ASTN2: variants seen among roughly 807,000 people sequenced by gnomAD.
The protein encoded by ASTN2 is astrotactin 2.
Under a neutral mutation model 139.8 loss-of-function variants are expected in ASTN2, and 54 were observed. That is an observed-to-expected ratio of 0.39 (90% CI 0.31 to 0.48). The LOEUF is 0.48. ASTN2 is among the 20% of genes least tolerant of loss of function. ASTN2 has a pLI of 0.95. For synonymous variants in ASTN2, 756 were observed against 719.5 expected, an observed-to-expected ratio of 1.05 and a Z score of -0.81; for missense variants, 1,565 against 1,725.1, an observed-to-expected ratio of 0.91 and a Z score of 1.64.
intron 13 of ASTN2, among the ~76,000 whole-genome samples, chr9:116,772,776 C>A (rs1829987350): frequency 6.6e-6 from 1 of 152,184 alleles, no homozygotes; most frequent in Non-Finnish European, 1.5e-5. Context: ...GGCCAGCAGT[C>A]TCATCTTGGC....
chr9:116,885,834 G>A (rs1289416600), intron 10 of ASTN2, among the ~76,000 whole-genome samples: 1 of 152,070 alleles, frequency 6.6e-6, no homozygotes, highest in East Asian at 1.9e-4. Context: ...CAATAAGGCT[G>A]TTTGCTCATT....
intron 10 of ASTN2, among the ~76,000 whole-genome samples, chr9:116,877,122 C>G (rs904450536): frequency 1.3e-5 from 2 of 152,180 alleles, no homozygotes; most frequent in Non-Finnish European, 2.9e-5. Flanking sequence ...AAGTCTTAGC[C>G]AACGGGATCT....
In ASTN2 at chr9:116,441,007, T is replaced by C. The variant is rs34976241; in HGVS notation, c.3599-215A>G. ...TAATGATGTCTATTCTGGAGGTGCA[T>C]TGGGAGAGCTAAATTAAAGAGTGGA... On this transcript the variant is annotated intron_variant, in intron 21 of 22. Coordinates refer to ENST00000313400, the MANE Select transcript of ASTN2 (RefSeq NM_001365068.1). Among the ~76,000 whole-genome samples, 24,638 of 152,084 alleles carry C rather than the reference T, an allele frequency of 0.16. 2,341 individuals are homozygous for C. The highest frequency in any genetic ancestry group is 0.24 in the Middle Eastern group (70 of 292).
chr9:116,679,018 G>A (rs1859674497), intron 16 of ASTN2, among the ~76,000 whole-genome samples: 1 of 152,098 alleles, frequency 6.6e-6, no homozygotes, highest in Non-Finnish European at 1.5e-5. Flanking sequence ...TGGGTAAATG[G>A]CAGGCAAGAC....
intron 19 of ASTN2, among the ~76,000 whole-genome samples, chr9:116,559,699 T>C (rs1263524326): frequency 2.6e-5 from 4 of 152,294 alleles, no homozygotes; most frequent in Admixed American, 2.6e-4. Context: ...TAGTACTAAT[T>C]TCCTTATTTT....
rs528286469 is a variant in ASTN2, at chr9:117,399,202, C to T, written c.442+15295G>A. 2.6e-3 allele frequency among the ~76,000 whole-genome samples: 397 copies of T among 152,118 alleles called. 2 individuals are homozygous for T. The highest frequency in any genetic ancestry group is 0.02 in the Middle Eastern group (6 of 294). ...AAGCTTACATACTAACAAGAAAGGC[C>T]GACATGCAATCAACAATATTTCTAT... On this transcript the variant is annotated intron_variant, in intron 1 of 22. Transcript: ENST00000313400.
intron 4 of ASTN2, among the ~76,000 whole-genome samples, chr9:117,097,066 A>G (rs141208446): frequency 4.8e-4 from 73 of 152,344 alleles, no homozygotes; most frequent in African/African-American, 1.7e-3. Flanking sequence ...AGAACACTCC[A>G]GTGGTACCTA....
At chr9:116,442,592 T>A (rs1484014847) in intron 20 of ASTN2, 39 bp from the exon 21 acceptor site, 5 of 1,549,792 alleles carry the variant, frequency 3.2e-6, no homozygotes, top group East Asian at 2.2e-5. Flanking sequence ...AGGCTGTGAC[T>A]TCACAGAAGG....
At chr9:116,524,326 T>C (rs545772838) in intron 19 of ASTN2, among the ~76,000 whole-genome samples, 1 of 152,216 alleles carries the variant, frequency 6.6e-6, no homozygotes, top group Non-Finnish European at 1.5e-5. Context: ...AAGGCAAGTA[T>C]ACTGCTGAAA....
chr9:117,283,212 T>C (rs1037763096), intron 2 of ASTN2, among the ~76,000 whole-genome samples: 1 of 152,124 alleles, frequency 6.6e-6, no homozygotes. Flanking sequence ...TCTCTAAATG[T>C]TGTGAAAAAT....
At chr9:116,708,742 C>T (rs925450500) in intron 16 of ASTN2, among the ~76,000 whole-genome samples, 1 of 152,176 alleles carries the variant, frequency 6.6e-6, no homozygotes, top group Admixed American at 6.5e-5. Context: ...AAACAGCATT[C>T]GCAATTTTTT....
At chr9:116,473,510 T>G (rs977999409) in intron 20 of ASTN2, among the ~76,000 whole-genome samples, 4 of 152,094 alleles carry the variant, frequency 2.6e-5, no homozygotes, top group Admixed American at 6.6e-5. Context: ...TGGGAAATGC[T>G]CAGGAACAGA....
At chr9:117,362,411 A>T (rs1334201182) in intron 1 of ASTN2, among the ~76,000 whole-genome samples, 1 of 152,148 alleles carries the variant, frequency 6.6e-6, no homozygotes, top group Non-Finnish European at 1.5e-5. Context: ...TCTTGCCTGC[A>T]GCTTTCAGTT....
chr9:116,512,285 G>A (rs1482633559), intron 19 of ASTN2, among the ~76,000 whole-genome samples: 1 of 152,186 alleles, frequency 6.6e-6, no homozygotes, highest in Non-Finnish European at 1.5e-5. Context: ...GGAGCACGTT[G>A]CTCAGTTTCC....
At chr9:117,040,536 G>T (rs1404778281) in intron 5 of ASTN2, among the ~76,000 whole-genome samples, 1 of 152,168 alleles carries the variant, frequency 6.6e-6, no homozygotes, top group African/African-American at 2.4e-5. Context: ...TCGGCTCACT[G>T]TAACCTCCGC....
At chr9:117,249,226 T>C (rs1056986871) in intron 2 of ASTN2, among the ~76,000 whole-genome samples, 1 of 152,066 alleles carries the variant, frequency 6.6e-6, no homozygotes, top group Non-Finnish European at 1.5e-5. Flanking sequence ...TAAACCCTAA[T>C]GGAAAAGAAG....
intron 3 of ASTN2, among the ~76,000 whole-genome samples, chr9:117,150,132 G>C (rs1364267867): frequency 1.3e-5 from 2 of 152,076 alleles, no homozygotes; most frequent in Non-Finnish European, 2.9e-5. Flanking sequence ...TCTCTGTTCT[G>C]TTAAAAACAC....
At chr9:117,327,534 A>G (rs1366939005) in intron 1 of ASTN2, among the ~76,000 whole-genome samples, 1 of 152,172 alleles carries the variant, frequency 6.6e-6, no homozygotes, top group Non-Finnish European at 1.5e-5. Context: ...GAGAAGGTCA[A>G]GTGTGCCAAG....
intron 3 of ASTN2, among the ~76,000 whole-genome samples, chr9:117,165,300 A>C (rs1056265151): frequency 6.6e-6 from 1 of 152,092 alleles, no homozygotes; most frequent in Non-Finnish European, 1.5e-5. Flanking sequence ...GTCTCTGCAC[A>C]GTAGGTATTG....
Sources: gnomAD v4.1 joint callset for allele counts (sites outside exome capture counted in the v4.1 genomes callset) on GRCh38, gnomAD v4.1.1 for gene constraint, MANE v1.5 for transcripts, NCBI Gene and HGNC (gene_info 2026-07-23, HGNC 2026-07-21) for gene names.